PARD3: variants seen among roughly 807,000 people sequenced by gnomAD.
PARD3 encodes the protein par-3 family cell polarity regulator, also known as partitioning defective 3 homolog.
In PARD3, 75 loss-of-function variants were observed where a neutral mutation model predicts 155.4. The observed-to-expected ratio is 0.48, with a 90% confidence interval of 0.40 to 0.58. The LOEUF is 0.58. Among genes scored for constraint, PARD3 ranks in the 20% least tolerant of loss-of-function variants. The pLI is 0.00. For synonymous variants in PARD3, 576 were observed against 610.5 expected (o/e 0.94, Z 0.83); for missense variants, 1,642 against 1,721.7 (o/e 0.95, Z 0.82).
chr10:34,225,813 A>T (rs185005023), intron 22 of PARD3, among the ~76,000 whole-genome samples: 74 of 152,332 alleles, frequency 4.9e-4, no homozygotes, highest in Middle Eastern at 3.4e-3. Flanking sequence ...AAAAATCCTC[A>T]TGGTTCTGGG....
At chr10:34,660,104 C>T (rs2133136345) in intron 2 of PARD3, among the ~76,000 whole-genome samples, 1 of 152,218 alleles carries the variant, frequency 6.6e-6, no homozygotes, top group African/African-American at 2.4e-5. Context: ...GTTGAAATAA[C>T]CCATAACATC....
chr10:34,538,627 G>C (rs1236480591), intron 2 of PARD3, among the ~76,000 whole-genome samples: 1 of 152,190 alleles, frequency 6.6e-6, no homozygotes, highest in African/African-American at 2.4e-5. Context: ...CCAACCGAGG[G>C]AGTGAAAAGA....
intron 1 of PARD3, among the ~76,000 whole-genome samples, chr10:34,729,560 T>C (rs1022690076): frequency 6.0e-5 from 9 of 150,954 alleles, no homozygotes; most frequent in African/African-American, 2.2e-4. Context: ...AGATAAGATA[T>C]GATGCTATAA....
chr10:34,239,107 C>T (rs1271530612), intron 22 of PARD3, among the ~76,000 whole-genome samples: 2 of 152,166 alleles, frequency 1.3e-5, no homozygotes, highest in African/African-American at 4.8e-5. Context: ...TGCTTACATG[C>T]TTGACATGAT....
At chr10:34,564,313 A>G (rs2085748053) in intron 2 of PARD3, among the ~76,000 whole-genome samples, 1 of 152,238 alleles carries the variant, frequency 6.6e-6, no homozygotes, top group East Asian at 1.9e-4. Flanking sequence ...ATATGATGCA[A>G]CAAGACAAGG....
At chr10:34,176,706 G>T (rs555120805) in intron 22 of PARD3, among the ~76,000 whole-genome samples, 3 of 152,246 alleles carry the variant, frequency 2.0e-5, no homozygotes, top group East Asian at 3.9e-4. Flanking sequence ...TTTTGGAAAG[G>T]CTGGTGCAAT....
intron 19 of PARD3, among the ~76,000 whole-genome samples, chr10:34,330,659 T>C (rs575680712): frequency 7.6e-4 from 115 of 152,280 alleles, no homozygotes; most frequent in African/African-American, 2.4e-3. Flanking sequence ...CTTTTTTATA[T>C]GTGGATTATA....
At chr10:34,304,861 G>A (rs1390340333) in intron 20 of PARD3, among the ~76,000 whole-genome samples, 2 of 152,188 alleles carry the variant, frequency 1.3e-5, no homozygotes, top group African/African-American at 4.8e-5. Context: ...TTGGCTACAT[G>A]AGAAATAGCT....
chr10:34,784,457 G>T (rs754259755), intron 1 of PARD3, among the ~76,000 whole-genome samples: 678 of 62,584 alleles, frequency 0.011, 5 homozygotes, highest in African/African-American at 0.065. Context: ...TTTTTTTTTT[G>T]GAGACGGAGT....
chr10:34,688,291 A>G (rs541132171), intron 2 of PARD3, among the ~76,000 whole-genome samples: 96 of 152,316 alleles, frequency 6.3e-4, no homozygotes, highest in African/African-American at 2.2e-3. Flanking sequence ...ACCCACAGGG[A>G]ATAAACAGGA....
intron 2 of PARD3, among the ~76,000 whole-genome samples, chr10:34,601,145 G>A (rs2089740490): frequency 6.6e-6 from 1 of 151,254 alleles, no homozygotes; most frequent in Admixed American, 6.6e-5. Context: ...TCAAGGCCAG[G>A]CACAGCGGCT....
chr10:34,756,460 C>CTT (rs372775963), intron 1 of PARD3, among the ~76,000 whole-genome samples: 68 of 109,586 alleles, frequency 6.2e-4, no homozygotes, highest in African/African-American at 1.3e-3. Flanking sequence ...GCCAATGCAC[C>CTT]TTTTTTTTTT....
chr10:34,122,720 TA>T (rs1947073167), intron 23 of PARD3, among the ~76,000 whole-genome samples: 1 of 152,176 alleles, frequency 6.6e-6, no homozygotes, highest in Non-Finnish European at 1.5e-5. Context: ...AACAACTAAA[TA>T]AGTTCATCCC....
At chr10:34,233,021 T>A (rs956742945) in intron 22 of PARD3, among the ~76,000 whole-genome samples, 3 of 135,010 alleles carry the variant, frequency 2.2e-5, no homozygotes, top group Non-Finnish European at 4.8e-5. Flanking sequence ...ATGTTAATTT[T>A]TTTTTTTTTT....
chr10:34,180,901 G>A (rs1950239167), intron 22 of PARD3, among the ~76,000 whole-genome samples: 1 of 152,022 alleles, frequency 6.6e-6, no homozygotes, highest in Non-Finnish European at 1.5e-5. Flanking sequence ...AGAAGACACA[G>A]CAAGTGCAAA....
chr10:34,687,809 T>C (rs2093975653), intron 2 of PARD3, among the ~76,000 whole-genome samples: 2 of 144,134 alleles, frequency 1.4e-5, no homozygotes, highest in Admixed American at 1.4e-4. Context: ...CCCCGCCACC[T>C]ACTGACTCCA....
chr10:34,791,023 A>G (rs1339333413), intron 1 of PARD3, among the ~76,000 whole-genome samples: 1 of 152,202 alleles, frequency 6.6e-6, no homozygotes, highest in African/African-American at 2.4e-5. Context: ...CAAAAAATAC[A>G]AAATAACTCA....
At chr10:34,568,358 G>C (rs147430678) in intron 2 of PARD3, among the ~76,000 whole-genome samples, 1 of 152,282 alleles carries the variant, frequency 6.6e-6, no homozygotes, top group East Asian at 1.9e-4. Context: ...TATCCTTTAA[G>C]AGGACTTAAT....
At chr10:34,253,204 T>G (rs1303632788) in intron 22 of PARD3, among the ~76,000 whole-genome samples, 1 of 152,226 alleles carries the variant, frequency 6.6e-6, no homozygotes, top group African/African-American at 2.4e-5. Flanking sequence ...CAATCATTAC[T>G]TTACGACATT....
Sources: allele counts gnomAD v4.1 joint callset (sites outside exome capture counted in the v4.1 genomes callset), GRCh38; gene constraint gnomAD v4.1.1; transcripts MANE v1.5; gene names NCBI Gene and HGNC (gene_info 2026-07-23, HGNC 2026-07-21).